The following WDR64 variants were observed in gnomAD, a reference collection of about 807,000 sequenced individuals.
WDR64 encodes the protein WD repeat-containing protein 64.
WDR64 carries 112 observed loss-of-function variants against 139.3 expected under a neutral mutation model. The observed-to-expected ratio is 0.80, with a 90% CI of 0.69 to 0.94. The LOEUF is 0.94. WDR64 is among the 40% of genes least tolerant of loss of function. The pLI, the probability that WDR64 is intolerant of heterozygous loss-of-function variation, is 0.00. For missense variants in WDR64, 1,206 were observed against 1,293.1 expected, an observed-to-expected ratio of 0.93 and a Z score of 1.03; for synonymous variants, 444 against 437.7, an observed-to-expected ratio of 1.01 and a Z score of -0.18.
In WDR64 at chr1:241,678,194, T is replaced by C. The variant is rs962236329; in HGVS notation, c.491T>C (p.Val164Ala). The change falls in exon 5 of 28, where the codon GTT (valine) becomes GCT (alanine). Residue 164 changes from valine (V) to alanine (A), a missense_variant. Transcript: ENST00000437684. ...CTCTTCCTTTGTTCATAGATGAGAGTTCAGACCAGCACCAATGTTACAGTA... is the reference window on the plus strand; with the variant it reads ...CTCTTCCTTTGTTCATAGATGAGAGCTCAGACCAGCACCAATGTTACAGTA... ...LITVFNNQMR[V>A]QTSTNVTDTS... is the part of the protein sequence containing the mutation. 1.0e-5 allele frequency: 4 copies of C among 398,772 alleles called. No homozygotes were observed. The highest frequency in any genetic ancestry group is 6.2e-5 in the African/African-American group (3 of 48,628). The allele number at this position is 398,772 out of a possible 1,614,324, so 24.7% of individuals were successfully genotyped here. A position where few individuals can be genotyped will look rare whatever the true frequency, so the allele number is the denominator to read the frequency against.
intron 8 of WDR64, among the ~76,000 whole-genome samples, chr1:241,697,678 A>G (rs763667273): frequency 1.3e-4 from 20 of 152,098 alleles, no homozygotes; most frequent in Non-Finnish European, 2.9e-4. Context: ...CAATCACACT[A>G]TACATTTTCT....
chr1:241,769,575 AAATT>A (rs1658340102), intron 17 of WDR64, 70 bp downstream of exon 17: 25 of 1,326,072 alleles, frequency 1.9e-5, no homozygotes, highest in Non-Finnish European at 2.4e-5. Flanking sequence ...GGTTGATGCA[AAATT>A]AATTGTGGTT....
At chr1:241,708,703 T>G (rs1239210856) in intron 8 of WDR64, among the ~76,000 whole-genome samples, 3 of 101,286 alleles carry the variant, frequency 3.0e-5, no homozygotes, top group African/African-American at 1.1e-4. Context: ...TTTTTTTTTT[T>G]GTTTTTTTGT....
chr1:241,676,312 G>A (rs1485710118), intron 4 of WDR64: 3 of 152,186 alleles, frequency 2.0e-5, no homozygotes, highest in African/African-American at 7.2e-5. Context: ...CTTTCTTGCT[G>A]TTTAAGTGAG....
chr1:241,695,931 T>C lies in WDR64; in HGVS notation c.974+8336T>C, dbSNP rs375754338. On this transcript the variant is annotated intron_variant, in intron 8 of 27. Transcript: ENST00000437684. ...GAGTTCAAGACCAGCCTGGGCAACA[T>C]AGGGAGATCCTGTCGCTACAAATAA... Among the ~76,000 whole-genome samples the C allele has an allele frequency of 5.3e-5, 8 of 151,590 alleles. 1 individual carries two copies. The highest frequency in any genetic ancestry group is 1.5e-4 in the African/African-American group (6 of 41,332).
Position 241,801,142 on chromosome 1 carries a change from G to C in WDR64, c.3203G>C (p.Arg1068Thr). 6.2e-7 allele frequency: 1 copy of C among 1,613,364 alleles called. No individual in the cohort carries two copies. The highest frequency in any genetic ancestry group is 8.5e-7 in the Non-Finnish European group (1 of 1,179,636). Residue 1068 changes from arginine to threonine, a missense_variant, in exon 28 of 28, where the codon AGA becomes ACA. Transcript: ENST00000437684. Reference sequence around the variant, plus strand: ...CTCTTTATTTCACAGGCACCACGAAGAAGAAGTTTGAAAAAAAATTTAGTC... The same window carrying C: ...CTCTTTATTTCACAGGCACCACGAACAAGAAGTTTGAAAAAAAATTTAGTC... ...GHVQREKAPR[R>T]RSLKKNLVPQ... is the part of the protein sequence containing the mutation.
At chr1:241,713,263 A>T (rs114593137) in intron 9 of WDR64, among the ~76,000 whole-genome samples, 22,965 of 147,746 alleles carry the variant, frequency 0.16, 2,094 homozygotes, top group Middle Eastern at 0.36. Flanking sequence ...GTGAGCCGTG[A>T]CTGTGCCACT....
chr1:241,660,363 CT>C (rs1011853940), intron 1 of WDR64, among the ~76,000 whole-genome samples, 166 bp from the exon 2 acceptor site: 1 of 152,222 alleles, frequency 6.6e-6, no homozygotes, highest in African/African-American at 2.4e-5. Context: ...CAGCTTTGTT[CT>C]TTTTGCTTAG....
At chr1:241,800,903 T>C (rs1457790664) in intron 27 of WDR64, among the ~76,000 whole-genome samples, 4 of 152,068 alleles carry the variant, frequency 2.6e-5, no homozygotes, top group African/African-American at 9.7e-5. Flanking sequence ...ACTGCCCAGT[T>C]AAGTAGCTCT....
intron 2 of WDR64, among the ~76,000 whole-genome samples, chr1:241,666,790 C>T (rs1666040194): frequency 1.3e-5 from 2 of 152,232 alleles, no homozygotes; most frequent in Admixed American, 6.5e-5. Context: ...TCTAATCATG[C>T]ACTTCCTCAG....
chr1:241,709,229 C>T (rs1265736448), intron 8 of WDR64, among the ~76,000 whole-genome samples: 1 of 152,168 alleles, frequency 6.6e-6, no homozygotes, highest in Non-Finnish European at 1.5e-5. Context: ...TATTTCCATG[C>T]TGTCTCATTG....
chr1:241,759,554 T>A (rs1670344244), intron 15 of WDR64, among the ~76,000 whole-genome samples: 1 of 152,174 alleles, frequency 6.6e-6, no homozygotes, highest in Admixed American at 6.5e-5. Context: ...ATGCTCTTTT[T>A]AAAAAATATA....
intron 20 of WDR64, among the ~76,000 whole-genome samples, chr1:241,774,236 A>AGT (rs1658568778): frequency 6.6e-6 from 1 of 152,226 alleles, no homozygotes; most frequent in Non-Finnish European, 1.5e-5. Context: ...AACAACACGG[A>AGT]ACCGCATGGC....
At chr1:241,792,104 C>A (rs1238967905) in intron 25 of WDR64, among the ~76,000 whole-genome samples, 1 of 152,204 alleles carries the variant, frequency 6.6e-6, no homozygotes, top group Non-Finnish European at 1.5e-5. Flanking sequence ...CCACCCTCTA[C>A]AAATCACACT....
chr1:241,723,078 G>A (rs1004416067), intron 9 of WDR64, among the ~76,000 whole-genome samples: 2 of 152,190 alleles, frequency 1.3e-5, no homozygotes, highest in African/African-American at 4.8e-5. Flanking sequence ...TCACATTTGT[G>A]TATGTAAATA....
intron 8 of WDR64, among the ~76,000 whole-genome samples, chr1:241,708,146 AG>A (rs1668023823): frequency 6.6e-6 from 1 of 152,186 alleles, no homozygotes; most frequent in Non-Finnish European, 1.5e-5. Context: ...AATATACTCC[AG>A]GGGGTATGCA....
chr1:241,705,269 G>T (rs147838089), intron 8 of WDR64, among the ~76,000 whole-genome samples: 16 of 152,076 alleles, frequency 1.1e-4, no homozygotes, highest in East Asian at 5.8e-4. Context: ...TGGCCGGGCG[G>T]GGTGGCTCAC....
intron 10 of WDR64, 70 bp from the exon 11 acceptor site, chr1:241,738,293 C>G: frequency 1.3e-6 from 2 of 1,531,142 alleles, no homozygotes; most frequent in Non-Finnish European, 1.8e-6. Context: ...ACTGAAAATG[C>G]TTCACCTAAA....
chr1:241,698,334 T>A (rs946620475), intron 8 of WDR64, among the ~76,000 whole-genome samples: 1 of 152,148 alleles, frequency 6.6e-6, no homozygotes, highest in Non-Finnish European at 1.5e-5. Flanking sequence ...TCATAACCAC[T>A]CATGGCATCT....
Sources: gnomAD v4.1 joint callset for allele counts (sites outside exome capture counted in the v4.1 genomes callset) on GRCh38, gnomAD v4.1.1 for gene constraint, MANE v1.5 for transcripts, NCBI Gene and HGNC (gene_info 2026-07-23, HGNC 2026-07-21) for gene names.